Variants in SEMA3F observed in about 807,000 individuals in gnomAD.
The protein encoded by SEMA3F is semaphorin 3F.
Under a neutral mutation model 98.5 loss-of-function variants are expected in SEMA3F, and 30 were observed. The observed-to-expected ratio is 0.30, with a 90% CI of 0.23 to 0.41. The LOEUF (loss-of-function observed/expected upper bound fraction) is 0.41. Ranked by LOEUF, SEMA3F falls within the 10% of genes least tolerant of loss-of-function variation. The pLI is 1.00. For synonymous variants in SEMA3F, 380 were observed against 444.8 expected, an observed-to-expected ratio of 0.85 and a Z score of 1.83; for missense variants, 866 against 1,119.3, an observed-to-expected ratio of 0.77 and a Z score of 3.23.
In SEMA3F at chr3:50,158,076, G is replaced by A. The variant is rs1446226906; in HGVS notation, c.-48-1499G>A. 2.0e-5 allele frequency among the ~76,000 whole-genome samples: 3 copies of A among 152,174 alleles called. No homozygotes were observed. Among genetic ancestry groups the A allele is most frequent in the Non-Finnish European group, 2.9e-5 (2 of 68,024 alleles). ...TGTGCATATCCACAGCTGTTATCAG[G>A]GGCCTCCCAGGTGCACCTTGAGGGT... On this transcript the variant is annotated intron_variant, in intron 1 of 18. Coordinates refer to ENST00000002829, the MANE Select transcript of SEMA3F (RefSeq NM_004186.5). This position sits in a 1 kb window ranked among gnomAD's most constrained non-coding sequence, Gnocchi z 4.8.
chr3:50,183,282 G>A, intron 11 of SEMA3F, 27 bp downstream of exon 11: 1 of 1,611,320 alleles, frequency 6.2e-7, no homozygotes, highest in Non-Finnish European at 8.5e-7. Context: ...GGCCAGCAGT[G>A]GCAGGGAGTG....
intron 2 of SEMA3F, among the ~76,000 whole-genome samples, chr3:50,169,265 A>G (rs1698515799): frequency 6.6e-6 from 1 of 152,088 alleles, no homozygotes; most frequent in African/African-American, 2.4e-5. Flanking sequence ...CCTTTAAAGT[A>G]AGGTATCACC....
At chr3:50,180,201 G>A (rs1698966937) in intron 7 of SEMA3F, among the ~76,000 whole-genome samples, 1 of 151,974 alleles carries the variant, frequency 6.6e-6, no homozygotes, top group Non-Finnish European at 1.5e-5. Context: ...CCAGGCTAGA[G>A]TGAAGTGGCA....
chr3:50,184,493 G>A (rs897730897), intron 12 of SEMA3F, 99 bp from the exon 13 acceptor site: 2 of 803,298 alleles, frequency 2.5e-6, no homozygotes, highest in Non-Finnish European at 4.1e-6. Context: ...GCAGGTTGAG[G>A]TAGTGGGGAC....
chr3:50,163,128 C>T (rs1698274531), intron 2 of SEMA3F, among the ~76,000 whole-genome samples: 1 of 152,160 alleles, frequency 6.6e-6, no homozygotes, highest in South Asian at 2.1e-4. Flanking sequence ...GTGCTGGAGG[C>T]ACAGACCCTT....
intron 2 of SEMA3F, among the ~76,000 whole-genome samples, chr3:50,165,781 C>T (rs538377773): frequency 2.0e-5 from 3 of 152,338 alleles, no homozygotes; most frequent in Non-Finnish European, 2.9e-5. Context: ...GGCCTACAGC[C>T]CCCCACCCAG....
At chr3:50,170,130 G>T (rs1004807831) in intron 2 of SEMA3F, among the ~76,000 whole-genome samples, 2 of 152,138 alleles carry the variant, frequency 1.3e-5, no homozygotes, top group Non-Finnish European at 2.9e-5. Flanking sequence ...CTACAGTCTG[G>T]CATGAGTGGG....
intron 7 of SEMA3F, among the ~76,000 whole-genome samples, chr3:50,177,920 CAA>C (rs1294393521): frequency 6.6e-6 from 1 of 151,824 alleles, no homozygotes; most frequent in African/African-American, 2.4e-5. Flanking sequence ...AACATTAAAA[CAA>C]AGGTAACAAC....
chr3:50,181,046 G>T (rs1698996983), intron 7 of SEMA3F, among the ~76,000 whole-genome samples: 1 of 146,904 alleles, frequency 6.8e-6, no homozygotes, highest in Admixed American at 6.9e-5. Flanking sequence ...TAGCCTGGGT[G>T]ACAGAGCAAG....
Position 50,166,983 on chromosome 3 carries a change from G to T in SEMA3F, c.113-6810G>T, listed in dbSNP as rs1253220537. 6.6e-6 allele frequency among the ~76,000 whole-genome samples: 1 copy of T among 152,084 alleles called. No individual in the cohort carries two copies. Among genetic ancestry groups the T allele is most frequent in the Non-Finnish European group, 1.5e-5 (1 of 68,004 alleles). ...TTTTCACTCTCCCCACCTGAGAAATGAATCAGTGCAGCCCTCCCCTTCAGA... is the reference window on the plus strand; with the variant it reads ...TTTTCACTCTCCCCACCTGAGAAATTAATCAGTGCAGCCCTCCCCTTCAGA... On this transcript the variant is annotated intron_variant, in intron 2 of 18. Coordinates refer to ENST00000002829, the MANE Select transcript of SEMA3F (RefSeq NM_004186.5). The surrounding 1 kb of genome is among the most constrained non-coding windows in gnomAD (Gnocchi z 4.7).
chr3:50,167,521 G>A (rs1410970247), intron 2 of SEMA3F, among the ~76,000 whole-genome samples: 1 of 152,204 alleles, frequency 6.6e-6, no homozygotes, highest in Non-Finnish European at 1.5e-5. Flanking sequence ...GAACGGGCGT[G>A]GGAACAGCAT....
chr3:50,164,641 A>G (rs1198131098), intron 2 of SEMA3F, among the ~76,000 whole-genome samples: 1 of 152,162 alleles, frequency 6.6e-6, no homozygotes, highest in Non-Finnish European at 1.5e-5. Context: ...GCTGGTCCCA[A>G]AGGCAAAACC....
chr3:50,160,427 C>A (rs542077239), intron 2 of SEMA3F, among the ~76,000 whole-genome samples: 2 of 152,174 alleles, frequency 1.3e-5, no homozygotes, highest in East Asian at 3.8e-4. Context: ...GCTGGTCGCC[C>A]GCTCCATCAC....
chr3:50,169,720 G>T (rs1341228616), intron 2 of SEMA3F, among the ~76,000 whole-genome samples: 3 of 152,246 alleles, frequency 2.0e-5, no homozygotes, highest in Non-Finnish European at 4.4e-5. Context: ...AGCCGGGCGT[G>T]GGACAAGTGG....
At chr3:50,163,066 C>T (rs1158415089) in intron 2 of SEMA3F, among the ~76,000 whole-genome samples, 1 of 152,208 alleles carries the variant, frequency 6.6e-6, no homozygotes, top group Non-Finnish European at 1.5e-5. Flanking sequence ...CTGCATCCGC[C>T]TGATGCCTGA....
At chr3:50,171,258 G>C (rs1038447032) in intron 2 of SEMA3F, among the ~76,000 whole-genome samples, 1 of 152,132 alleles carries the variant, frequency 6.6e-6, no homozygotes, top group Non-Finnish European at 1.5e-5. Flanking sequence ...TGTTCTCTAC[G>C]GCCTTTCTCA....
chr3:50,168,121 G>A (rs959478553), intron 2 of SEMA3F, among the ~76,000 whole-genome samples: 60 of 152,284 alleles, frequency 3.9e-4, no homozygotes, highest in African/African-American at 1.3e-3. Context: ...GGGGGGAAGC[G>A]GGGGTTGGTG....
Position 50,187,923 on chromosome 3 carries a change from C to G in SEMA3F, c.2166C>G (p.Pro722=), listed in dbSNP as rs910624921. 6.2e-7 allele frequency: 1 copy of G among 1,608,070 alleles called. No homozygotes were observed. Among genetic ancestry groups the G allele is most frequent in the African/African-American group, 1.3e-5 (1 of 74,798 alleles). Residue 722 remains proline (P), a synonymous_variant, in exon 19 of 19, where the codon CCC becomes CCG. Transcript: ENST00000002829. Reference sequence around the variant, plus strand: ...CCCCGCCACCCCCAGGCGCAGGCCCCCCAACGCCTCCTTACCAGGAGTTAG... The same window carrying G: ...CCCCGCCACCCCCAGGCGCAGGCCCGCCAACGCCTCCTTACCAGGAGTTAG... ...MSAPPPPGAG[P]PTPPYQELAQ...
intron 15 of SEMA3F, 26 bp from the exon 16 acceptor site, chr3:50,185,863 T>G: frequency 6.2e-7 from 1 of 1,606,990 alleles, no homozygotes; most frequent in Non-Finnish European, 8.5e-7. Flanking sequence ...GGACAGGAAC[T>G]GACAAGGCCC....
Sources: allele counts gnomAD v4.1 joint callset (sites outside exome capture counted in the v4.1 genomes callset), GRCh38; gene constraint gnomAD v4.1.1; non-coding constraint Gnocchi (gnomAD v3.1); transcripts MANE v1.5; gene names NCBI Gene and HGNC (gene_info 2026-07-23, HGNC 2026-07-21).